The following CD38 variants were observed in gnomAD, a reference collection of about 807,000 sequenced individuals.
CD38 encodes the protein CD38 molecule, also known as ADP-ribosyl cyclase/cyclic ADP-ribose hydrolase 1.
A neutral mutation model predicts 36.3 loss-of-function variants in CD38; 31 were observed. The ratio of observed to expected loss-of-function variants is 0.85; its 90% CI spans 0.64 to 1.15. The LOEUF is 1.15. Among genes scored for constraint, CD38 ranks in the 50% most tolerant of loss-of-function variants. CD38 has a pLI of 0.00. For missense variants in CD38, 380 were observed against 371.9 expected (o/e 1.02, Z -0.18); for synonymous variants, 131 against 135.2 (o/e 0.97, Z 0.22).
Position 15,840,101 on chromosome 4 carries a change from T to C in CD38, c.735T>C (p.Gly245=). 4 of 1,610,564 alleles carry C rather than the reference T, an allele frequency of 2.5e-6. No homozygotes were observed. Among genetic ancestry groups the C allele is most frequent in the East Asian group, 4.5e-5 (2 of 44,848 alleles). The change falls in exon 6 of 8, where the codon GGT becomes GGC. Residue 245 remains glycine, a synonymous_variant. Coordinates refer to ENST00000226279, the MANE Select transcript of CD38 (RefSeq NM_001775.4). ...CACTAGAGGCCTGGGTGATACATGG[T>C]GGAAGAGAAGATTCCAGGTATATCT... is the stretch of plus-strand genomic sequence containing the variant. ...VQTLEAWVIH[G]GREDSRDLCQ...
intron 7 of CD38, among the ~76,000 whole-genome samples, chr4:15,847,890 G>C (rs1724297846): frequency 6.6e-6 from 1 of 152,080 alleles, no homozygotes; most frequent in East Asian, 1.9e-4. Flanking sequence ...AGAAAATATG[G>C]GCATGGCTTC....
At chr4:15,834,077 A>G in intron 3 of CD38, 140 bp from the exon 4 acceptor site, 1 of 612,164 alleles carries the variant, frequency 1.6e-6, no homozygotes, top group Non-Finnish European at 2.9e-6. Flanking sequence ...AATTGGGTCA[A>G]AATGTGTCCA....
chr4:15,821,380 C>CA (rs199562926), intron 2 of CD38, among the ~76,000 whole-genome samples: 6,567 of 144,320 alleles, frequency 0.046, 276 homozygotes, highest in Admixed American at 0.12. Context: ...AAATCCCTTC[C>CA]AAAAAAAAAT....
At chr4:15,803,257 C>T (rs910708635) in intron 1 of CD38, among the ~76,000 whole-genome samples, 4 of 152,106 alleles carry the variant, frequency 2.6e-5, no homozygotes, top group South Asian at 4.1e-4. Context: ...AAAACACAGT[C>T]AACAAAGGCA....
chr4:15,782,880 T>C (rs546120371), intron 1 of CD38, among the ~76,000 whole-genome samples: 37 of 152,320 alleles, frequency 2.4e-4, no homozygotes, highest in African/African-American at 8.2e-4. Flanking sequence ...CTCTCCTGCC[T>C]GTCACACAGT....
intron 7 of CD38, among the ~76,000 whole-genome samples, chr4:15,847,499 T>C (rs1282302108): frequency 9.5e-6 from 1 of 105,594 alleles, no homozygotes; most frequent in Non-Finnish European, 1.8e-5. Flanking sequence ...GCATGGCACA[T>C]GTATACATAT....
chr4:15,786,201 A>G (rs1166191455), intron 1 of CD38, among the ~76,000 whole-genome samples: 1 of 151,960 alleles, frequency 6.6e-6, no homozygotes, highest in African/African-American at 2.4e-5. Context: ...GTAGAACGGG[A>G]CGCCAATGGG....
Position 15,840,100 on chromosome 4 carries a change from G to A in CD38, c.734G>A (p.Gly245Asp). Residue 245 changes from glycine to aspartate, a missense_variant, in exon 6 of 8, where the codon GGT (glycine) becomes GAT (aspartate). Physicochemically the swap from Gly to Asp is moderately conservative, Grantham distance 94. Transcript: ENST00000226279. ...VQTLEAWVIHGGREDSRDLCQ... is the reference protein window; with the variant it reads ...VQTLEAWVIHDGREDSRDLCQ... ...ACACTAGAGGCCTGGGTGATACATG[G>A]TGGAAGAGAAGATTCCAGGTATATC... 1 of 1,610,818 alleles carries A rather than the reference G, an allele frequency of 6.2e-7. No homozygotes were observed. Among genetic ancestry groups the A allele is most frequent in the East Asian group, 2.2e-5 (1 of 44,854 alleles).
At chr4:15,790,213 C>A (rs1044879378) in intron 1 of CD38, among the ~76,000 whole-genome samples, 1 of 148,338 alleles carries the variant, frequency 6.7e-6, no homozygotes, top group Admixed American at 6.8e-5. Flanking sequence ...TCTCCTTCCA[C>A]GGTCTCCCTC....
At chr4:15,780,528 A>ACGCACG (rs10545816) in intron 1 of CD38, among the ~76,000 whole-genome samples, 5 of 144,204 alleles carry the variant, frequency 3.5e-5, no homozygotes, top group African/African-American at 1.3e-4. Flanking sequence ...TCACACACAC[A>ACGCACG]CACACACACA....
chr4:15,815,049 C>T (rs6844578), intron 1 of CD38, among the ~76,000 whole-genome samples: 25,069 of 151,974 alleles, frequency 0.16, 2,534 homozygotes, highest in African/African-American at 0.29. Context: ...TCATGATCTG[C>T]CTGCCTCAGC....
chr4:15,779,046 C>G (rs564273769), intron 1 of CD38, among the ~76,000 whole-genome samples: 1 of 152,340 alleles, frequency 6.6e-6, no homozygotes, highest in Non-Finnish European at 1.5e-5. Context: ...GTGTCGCTGA[C>G]ATTTTCAACT....
chr4:15,818,299 G>C (rs535220785), intron 2 of CD38, among the ~76,000 whole-genome samples: 1 of 152,172 alleles, frequency 6.6e-6, no homozygotes, highest in Non-Finnish European at 1.5e-5. Context: ...CCTCCTCACT[G>C]GGCAGGGCAT....
intron 1 of CD38, among the ~76,000 whole-genome samples, chr4:15,797,247 A>AT (rs1723121267): frequency 1.3e-5 from 2 of 152,170 alleles, no homozygotes; most frequent in African/African-American, 2.4e-5. Context: ...TATTTTTGTG[A>AT]TTTTAATGAC....
chr4:15,826,711 G>C (rs1261593934), intron 3 of CD38, among the ~76,000 whole-genome samples: 3 of 151,696 alleles, frequency 2.0e-5, no homozygotes, highest in African/African-American at 4.8e-5. Flanking sequence ...TTTAAGAACG[G>C]CCTGGGCAAC....
At position 15,833,805 on chromosome 4, in the gene CD38, A is replaced by G. The variant is rs1342319206; in HGVS notation, c.500-412A>G. ...TGAGGCCATCTGAGAGTAAGTGGTG[A>G]AGACTTAAGAAGTGGGGCAGGAAAC... is the stretch of plus-strand genomic sequence containing the variant. On this transcript the variant is annotated intron_variant, in intron 3 of 7. Coordinates refer to ENST00000226279, the MANE Select transcript of CD38 (RefSeq NM_001775.4). Among the ~76,000 whole-genome samples, 3 of 152,328 alleles carry G rather than the reference A, an allele frequency of 2.0e-5. No individual in the cohort carries two copies. In the East Asian group the frequency reaches 5.8e-4, roughly 29 times the overall value.
At chr4:15,814,327 A>G (rs1255782084) in intron 1 of CD38, among the ~76,000 whole-genome samples, 1 of 152,036 alleles carries the variant, frequency 6.6e-6, no homozygotes, top group East Asian at 1.9e-4. Flanking sequence ...TAAGTTGTAG[A>G]CTTAGGATAT....
chr4:15,796,889 G>A (rs779961783), intron 1 of CD38, among the ~76,000 whole-genome samples: 6 of 151,982 alleles, frequency 3.9e-5, no homozygotes, highest in Admixed American at 6.6e-5. Flanking sequence ...TGAACGTTTC[G>A]ATTGTTTTAA....
At chr4:15,833,595 G>A (rs147939876) in intron 3 of CD38, among the ~76,000 whole-genome samples, 1 of 152,268 alleles carries the variant, frequency 6.6e-6, no homozygotes, top group Non-Finnish European at 1.5e-5. Flanking sequence ...GCTCTCTGAA[G>A]GCAAAGTTCC....
Sources: gnomAD v4.1 joint callset for allele counts (sites outside exome capture counted in the v4.1 genomes callset) on GRCh38, gnomAD v4.1.1 for gene constraint, MANE v1.5 for transcripts, NCBI Gene and HGNC (gene_info 2026-07-23, HGNC 2026-07-21) for gene names.